The following AGBL4 variants were observed in gnomAD, a reference collection of about 807,000 sequenced individuals.
AGBL4 encodes cytosolic carboxypeptidase 6.
In AGBL4, 58 loss-of-function variants were observed where a neutral mutation model predicts 66.4. The ratio of observed to expected loss-of-function variants is 0.87; its 90% CI spans 0.71 to 1.09. The LOEUF (loss-of-function observed/expected upper bound fraction) is 1.09. Among genes scored for constraint, AGBL4 ranks in the 50% least tolerant of loss-of-function variants. AGBL4 has a pLI of 0.00. For missense variants in AGBL4, 579 were observed against 631.0 expected, an observed-to-expected ratio of 0.92 and a Z score of 0.88; for synonymous variants, 234 against 222.9, an observed-to-expected ratio of 1.05 and a Z score of -0.44.
intron 3 of AGBL4, among the ~76,000 whole-genome samples, chr1:49,286,096 G>C (rs1053148732): frequency 3.3e-5 from 5 of 152,182 alleles, no homozygotes; most frequent in African/African-American, 4.8e-5. Flanking sequence ...TATAAACAGA[G>C]CCAAAGACAA....
intron 4 of AGBL4, among the ~76,000 whole-genome samples, chr1:49,133,277 T>C (rs993076308): frequency 1.3e-5 from 2 of 152,034 alleles, no homozygotes; most frequent in South Asian, 2.1e-4. Context: ...TTCGGACAAA[T>C]ACCTAATGCA....
At chr1:48,825,068 G>A (rs903168689) in intron 6 of AGBL4, among the ~76,000 whole-genome samples, 17 of 152,214 alleles carry the variant, frequency 1.1e-4, no homozygotes, top group Admixed American at 6.5e-5. Flanking sequence ...GCTCATGTTA[G>A]GCTCTTTATG....
chr1:49,996,556 T>G (rs541699733), intron 1 of AGBL4, among the ~76,000 whole-genome samples: 7 of 152,264 alleles, frequency 4.6e-5, no homozygotes, highest in Admixed American at 2.6e-4. Flanking sequence ...CCAAGAAGTC[T>G]GGGATTATGG....
chr1:49,745,809 T>C (rs989362371), intron 2 of AGBL4, among the ~76,000 whole-genome samples: 1 of 151,750 alleles, frequency 6.6e-6, no homozygotes, highest in Non-Finnish European at 1.5e-5. Context: ...ATATGTTGCC[T>C]ATAATAATTG....
rs1646773039 is a variant in AGBL4, at chr1:49,173,341, A to G, written c.377+72429T>C. ...TATTTTACTGATTGGAATACAGCTCAAAGAGGTTAATTTAACTCCTCCAAA... is the reference window on the plus strand; with the variant it reads ...TATTTTACTGATTGGAATACAGCTCGAAGAGGTTAATTTAACTCCTCCAAA... On this transcript the variant is annotated intron_variant, in intron 4 of 13. Coordinates refer to ENST00000371839, the MANE Select transcript of AGBL4 (RefSeq NM_032785.4). Among the ~76,000 whole-genome samples the G allele has an allele frequency of 9.2e-5, 14 of 152,306 alleles. No individual in the cohort carries two copies. In the South Asian group the frequency reaches 2.9e-3, roughly 32 times the overall value.
At chr1:50,011,724 T>C (rs1159885838) in intron 1 of AGBL4, among the ~76,000 whole-genome samples, 6 of 152,186 alleles carry the variant, frequency 3.9e-5, no homozygotes, top group Non-Finnish European at 7.4e-5. Flanking sequence ...ATCCTGTCAT[T>C]TGCAACAATG....
At chr1:49,322,942 G>A (rs2148478645) in intron 3 of AGBL4, among the ~76,000 whole-genome samples, 1 of 152,240 alleles carries the variant, frequency 6.6e-6, no homozygotes, top group South Asian at 2.1e-4. Flanking sequence ...TGGGAAACAA[G>A]TATTTTTGTA....
At chr1:49,634,925 C>A (rs1319756453) in intron 3 of AGBL4, among the ~76,000 whole-genome samples, 2 of 152,152 alleles carry the variant, frequency 1.3e-5, no homozygotes, top group African/African-American at 4.8e-5. Flanking sequence ...CAGAGAGATG[C>A]AAACGTAGAG....
chr1:49,854,071 A>G (rs1646371635), intron 1 of AGBL4, among the ~76,000 whole-genome samples: 1 of 152,128 alleles, frequency 6.6e-6, no homozygotes, highest in Non-Finnish European at 1.5e-5. Context: ...ATAAATCACT[A>G]TAGAAAAAAT....
At chr1:49,159,150 C>T (rs1646492222) in intron 4 of AGBL4, among the ~76,000 whole-genome samples, 2 of 151,922 alleles carry the variant, frequency 1.3e-5, no homozygotes. Context: ...TCTGTTCCTT[C>T]ATAGCACCGA....
intron 6 of AGBL4, among the ~76,000 whole-genome samples, chr1:48,721,132 C>T (rs1647140303): frequency 6.6e-6 from 1 of 151,756 alleles, no homozygotes; most frequent in South Asian, 2.1e-4. Flanking sequence ...TAGTGCAAGG[C>T]CATTTATAAC....
At position 49,511,511 on chromosome 1, in the gene AGBL4, C is replaced by T. The variant is rs550333798; in HGVS notation, c.282+185802G>A. ...GGGAGATATACCTAATGCTAGATGA[C>T]GAGTTAGTGGGTGCAGCACACCAGC... On this transcript the variant is annotated intron_variant, in intron 3 of 13. Coordinates refer to ENST00000371839, the MANE Select transcript of AGBL4 (RefSeq NM_032785.4). 8.7e-5 allele frequency among the ~76,000 whole-genome samples: 13 copies of T among 149,874 alleles called. No homozygotes were observed. The East Asian group carries it at 1.4e-3, about 16-fold the overall frequency.
At chr1:48,942,279 C>A (rs1426129480) in intron 5 of AGBL4, among the ~76,000 whole-genome samples, 4 of 149,754 alleles carry the variant, frequency 2.7e-5, no homozygotes, top group African/African-American at 7.4e-5. Flanking sequence ...CTCCAATCGT[C>A]TACTTAGAGC....
chr1:49,893,699 C>G (rs1648885679), intron 1 of AGBL4, among the ~76,000 whole-genome samples: 1 of 152,180 alleles, frequency 6.6e-6, no homozygotes, highest in African/African-American at 2.4e-5. Context: ...CCAGCTCAGC[C>G]TCAGTAGAGA....
At chr1:49,804,687 G>A (rs1017558036) in intron 2 of AGBL4, among the ~76,000 whole-genome samples, 9 of 152,144 alleles carry the variant, frequency 5.9e-5, no homozygotes, top group Non-Finnish European at 1.0e-4. Context: ...ACTAACTAGT[G>A]TAACTCTTTA....
intron 7 of AGBL4, among the ~76,000 whole-genome samples, chr1:48,657,798 G>A (rs1411017627): frequency 6.6e-6 from 1 of 152,072 alleles, no homozygotes; most frequent in Admixed American, 6.6e-5. Context: ...GGCAGGATGG[G>A]GCCTCAAAAT....
chr1:48,964,999 A>G (rs1312599204), intron 5 of AGBL4, among the ~76,000 whole-genome samples: 1 of 151,890 alleles, frequency 6.6e-6, no homozygotes, highest in African/African-American at 2.4e-5. Context: ...ATATCACACT[A>G]CCTCCCAAGA....
At chr1:48,876,511 G>C (rs1397687244) in intron 5 of AGBL4, among the ~76,000 whole-genome samples, 1 of 152,136 alleles carries the variant, frequency 6.6e-6, no homozygotes, top group Non-Finnish European at 1.5e-5. Flanking sequence ...GTGGGGACCT[G>C]CAAGAAGAGA....
intron 11 of AGBL4, among the ~76,000 whole-genome samples, chr1:48,572,538 G>C (rs1451237146): frequency 2.0e-5 from 3 of 151,848 alleles, no homozygotes; most frequent in African/African-American, 7.3e-5. Flanking sequence ...GTGTGTGTGT[G>C]AGTGTGTGTG....
Sources: allele counts gnomAD v4.1 joint callset (sites outside exome capture counted in the v4.1 genomes callset), GRCh38; gene constraint gnomAD v4.1.1; transcripts MANE v1.5; gene names NCBI Gene and HGNC (gene_info 2026-07-23, HGNC 2026-07-21).